The following PRKG1 variants were observed in gnomAD, a reference collection of about 807,000 sequenced individuals.
The protein encoded by PRKG1 is protein kinase cGMP-dependent 1.
A neutral mutation model predicts 88.1 loss-of-function variants in PRKG1; 35 were observed. The observed-to-expected ratio is 0.40, with a 90% CI of 0.30 to 0.53. The LOEUF is 0.53. Among genes scored for constraint, PRKG1 ranks in the 20% least tolerant of loss-of-function variants. The pLI, the probability that PRKG1 is intolerant of heterozygous loss-of-function variation, is 0.59. For missense variants in PRKG1, 540 were observed against 839.8 expected, an observed-to-expected ratio of 0.64 and a Z score of 4.41; for synonymous variants, 303 against 292.5, an observed-to-expected ratio of 1.04 and a Z score of -0.37.
intron 2 of PRKG1, among the ~76,000 whole-genome samples, chr10:51,284,663 C>G (rs374133686): frequency 6.6e-6 from 1 of 152,020 alleles, no homozygotes; most frequent in Admixed American, 6.6e-5. Flanking sequence ...AGCTTGGAAG[C>G]AAAAATACAA....
At chr10:52,127,755 G>T (rs1847963347) in intron 7 of PRKG1, among the ~76,000 whole-genome samples, 1 of 152,144 alleles carries the variant, frequency 6.6e-6, no homozygotes, top group Non-Finnish European at 1.5e-5. Flanking sequence ...AGCATGATTA[G>T]AAGGTATATA....
At chr10:51,687,381 A>G (rs1227731343) in intron 3 of PRKG1, among the ~76,000 whole-genome samples, 1 of 152,170 alleles carries the variant, frequency 6.6e-6, no homozygotes, top group African/African-American at 2.4e-5. Flanking sequence ...GAATACTTAG[A>G]TGAGGTTTGA....
intron 5 of PRKG1, among the ~76,000 whole-genome samples, chr10:51,970,687 A>G (rs1452028583): frequency 8.7e-6 from 1 of 114,316 alleles, no homozygotes; most frequent in Non-Finnish European, 1.9e-5. Flanking sequence ...TAATCATCTG[A>G]TATATATATC....
chr10:51,949,087 G>T (rs1019448844), intron 5 of PRKG1, among the ~76,000 whole-genome samples: 17 of 152,138 alleles, frequency 1.1e-4, no homozygotes, highest in Admixed American at 2.0e-4. Context: ...ACTAAAGATT[G>T]CCTTCAATAT....
At chr10:51,336,441 G>T (rs1588854359) in intron 2 of PRKG1, among the ~76,000 whole-genome samples, 1 of 152,126 alleles carries the variant, frequency 6.6e-6, no homozygotes, top group Non-Finnish European at 1.5e-5. Flanking sequence ...TATAGAAGAA[G>T]AGAATGACTA....
intron 5 of PRKG1, among the ~76,000 whole-genome samples, chr10:51,914,926 G>A (rs1255242481): frequency 1.3e-5 from 2 of 152,070 alleles, no homozygotes; most frequent in African/African-American, 4.8e-5. Context: ...CAAAAAAATA[G>A]GCAAAGAGAG....
chr10:51,229,069 C>A (rs1172840310), intron 2 of PRKG1, among the ~76,000 whole-genome samples: 1 of 152,166 alleles, frequency 6.6e-6, no homozygotes, highest in Non-Finnish European at 1.5e-5. Context: ...GGAATCCTAA[C>A]CTTGTCTGTG....
chr10:51,630,708 A>G (rs530745821), intron 3 of PRKG1, among the ~76,000 whole-genome samples: 1 of 152,286 alleles, frequency 6.6e-6, no homozygotes, highest in Non-Finnish European at 1.5e-5. Flanking sequence ...ATCCTCTGCT[A>G]TTCATCAAAT....
At chr10:51,530,784 C>A (rs1375393916) in intron 3 of PRKG1, among the ~76,000 whole-genome samples, 1 of 152,124 alleles carries the variant, frequency 6.6e-6, no homozygotes, top group Non-Finnish European at 1.5e-5. Context: ...TTCCACCCAC[C>A]CCAAGAAATT....
chr10:52,291,370 G>A (rs910211624), intron 17 of PRKG1, among the ~76,000 whole-genome samples: 3 of 149,700 alleles, frequency 2.0e-5, no homozygotes, highest in Admixed American at 2.0e-4. Context: ...TTGTCATTTA[G>A]CATTAGGTGT....
chr10:52,043,520 A>G (rs1010339918), intron 5 of PRKG1, among the ~76,000 whole-genome samples: 1 of 152,084 alleles, frequency 6.6e-6, no homozygotes, highest in Non-Finnish European at 1.5e-5. Context: ...TTGTTTCATA[A>G]AAACAGAGAG....
At chr10:52,194,572 T>C (rs1265650992) in intron 9 of PRKG1, among the ~76,000 whole-genome samples, 1 of 152,168 alleles carries the variant, frequency 6.6e-6, no homozygotes, top group Non-Finnish European at 1.5e-5. Flanking sequence ...ACAGCTAATG[T>C]TTTCTCGCTA....
intron 2 of PRKG1, among the ~76,000 whole-genome samples, chr10:51,213,147 T>G (rs575689288): frequency 9.2e-5 from 14 of 152,214 alleles, no homozygotes; most frequent in South Asian, 2.1e-4. Flanking sequence ...AAAAAAGGAT[T>G]AGTTCATGTC....
intron 9 of PRKG1, among the ~76,000 whole-genome samples, chr10:52,251,012 C>T (rs923687401): frequency 6.6e-6 from 1 of 152,040 alleles, no homozygotes; most frequent in African/African-American, 2.4e-5. Context: ...TCATCCATTT[C>T]GGACATTTGT....
intron 3 of PRKG1, among the ~76,000 whole-genome samples, chr10:51,628,105 TC>T (rs1839414182): frequency 6.9e-6 from 1 of 145,780 alleles, no homozygotes; most frequent in Non-Finnish European, 1.5e-5. Context: ...TCCCTTTCTT[TC>T]TTTCCTTCTT....
intron 2 of PRKG1, among the ~76,000 whole-genome samples, chr10:51,315,756 A>G (rs1381207873): frequency 1.3e-5 from 2 of 152,240 alleles, no homozygotes; most frequent in African/African-American, 4.8e-5. Flanking sequence ...AAAGAATTAA[A>G]TATCAGAATA....
intron 3 of PRKG1, among the ~76,000 whole-genome samples, chr10:51,484,041 C>T (rs1009914238): frequency 6.6e-6 from 1 of 152,126 alleles, no homozygotes; most frequent in Non-Finnish European, 1.5e-5. Flanking sequence ...TCTGATTCTA[C>T]TAGTGACTCT....
rs527765120 is a variant in PRKG1 at position 52,183,167 on chromosome 10, T to C, written c.1076+21204T>C. ...CTCTCACTAGACCCCACCTCCAACA[T>C]TGGAGGTCACATTTCAACATATGAT... On this transcript the variant is annotated intron_variant, in intron 9 of 17. Coordinates refer to ENST00000373980, the MANE Select transcript of PRKG1 (RefSeq NM_006258.4). Among the ~76,000 whole-genome samples the C allele has an allele frequency of 1.3e-4, 20 of 152,234 alleles. No individual in the cohort carries two copies. In the South Asian group the frequency reaches 3.9e-3, roughly 30 times the overall value.
chr10:51,901,563 T>C (rs1841979475), intron 4 of PRKG1, among the ~76,000 whole-genome samples: 1 of 152,236 alleles, frequency 6.6e-6, no homozygotes, highest in African/African-American at 2.4e-5. Context: ...TCTTCTCTAG[T>C]GAATGCAATA....
Sources: allele counts gnomAD v4.1 joint callset (sites outside exome capture counted in the v4.1 genomes callset), GRCh38; gene constraint gnomAD v4.1.1; transcripts MANE v1.5; gene names NCBI Gene and HGNC (gene_info 2026-07-23, HGNC 2026-07-21).